SNX7: variants seen among roughly 807,000 people sequenced by gnomAD.
SNX7 encodes sorting nexin-7.
A neutral mutation model predicts 48.4 loss-of-function variants in SNX7; 35 were observed. The ratio of observed to expected loss-of-function variants is 0.72; its 90% CI spans 0.55 to 0.96. The LOEUF (loss-of-function observed/expected upper bound fraction) is 0.96. Among genes scored for constraint, SNX7 ranks in the 40% least tolerant of loss-of-function variants. SNX7 has a pLI of 0.00. For synonymous variants in SNX7, 190 were observed against 190.2 expected (o/e 1.00, Z 0.01); for missense variants, 553 against 548.9 (o/e 1.01, Z -0.07).
At chr1:98,677,992 TGTG>T (rs2100926118) in intron 1 of SNX7, among the ~76,000 whole-genome samples, 1 of 103,186 alleles carries the variant, frequency 9.7e-6, no homozygotes, top group South Asian at 2.9e-4. Flanking sequence ...TGTGTGTGCG[TGTG>T]TGTGTGTGTG....
intron 8 of SNX7, among the ~76,000 whole-genome samples, chr1:98,745,228 G>T (rs1654255623): frequency 6.6e-6 from 1 of 151,882 alleles, no homozygotes; most frequent in African/African-American, 2.4e-5. Context: ...GGTCTGTATT[G>T]AATCATTTTT....
chr1:98,718,227 A>G (rs903303563), intron 7 of SNX7, among the ~76,000 whole-genome samples: 4 of 152,186 alleles, frequency 2.6e-5, no homozygotes, highest in Non-Finnish European at 5.9e-5. Flanking sequence ...CTTTAGGTCA[A>G]GATCACACAT....
chr1:98,754,957 G>A (rs900779261), intron 8 of SNX7, among the ~76,000 whole-genome samples: 17 of 151,338 alleles, frequency 1.1e-4, no homozygotes, highest in African/African-American at 2.2e-4. Flanking sequence ...AAATCTCTCT[G>A]TTCTACTTTA....
intron 1 of SNX7, among the ~76,000 whole-genome samples, chr1:98,676,314 A>G (rs1650163995): frequency 6.6e-6 from 1 of 152,150 alleles, no homozygotes; most frequent in South Asian, 2.1e-4. Context: ...ATACCCTCCC[A>G]TAGAGATATA....
chr1:98,713,203 A>C (rs955776835), intron 7 of SNX7, among the ~76,000 whole-genome samples: 1 of 152,072 alleles, frequency 6.6e-6, no homozygotes, highest in African/African-American at 2.4e-5. Flanking sequence ...TATAACTTGT[A>C]CATCAGCATT....
At chr1:98,691,914 T>TATACACACACAC (rs143738586) in intron 4 of SNX7, among the ~76,000 whole-genome samples, 110 of 133,570 alleles carry the variant, frequency 8.2e-4, no homozygotes, top group East Asian at 7.7e-3. Flanking sequence ...TCCATATATA[T>TATACACACACAC]ACACACACAC....
chr1:98,741,680 T>C (rs562722049), intron 8 of SNX7, among the ~76,000 whole-genome samples: 1 of 152,144 alleles, frequency 6.6e-6, no homozygotes, highest in Non-Finnish European at 1.5e-5. Context: ...AGAAAATGAC[T>C]TCCTGCTAAT....
intron 8 of SNX7, among the ~76,000 whole-genome samples, chr1:98,741,780 A>G (rs1329367844): frequency 6.6e-6 from 1 of 152,148 alleles, no homozygotes; most frequent in Admixed American, 6.6e-5. Context: ...GCAAAAGAAT[A>G]TCTGCTTTGT....
At position 98,695,543 on chromosome 1, in the gene SNX7, G is replaced by C. The variant is rs144811634; in HGVS notation, c.665G>C (p.Gly222Ala). The change falls in exon 5 of 9, where the codon GGT becomes GCT. Residue 222 changes from glycine (G) to alanine (A), a missense_variant. Physicochemically the swap from Gly to Ala is moderately conservative, Grantham distance 60 (BLOSUM62 0). Transcript: ENST00000306121. ...GAACTCTCTTCTCACAAGAAGCAAG[G>C]TCCTGGCTTGCTAAGCAGGATGGGG... ...AWELSSHKKQ[G>A]PGLLSRMGQT... The C allele has an allele frequency of 2.0e-5, 33 of 1,613,982 alleles. No individual in the cohort carries two copies. In the South Asian group the frequency reaches 2.2e-4, roughly 11 times the overall value.
chr1:98,741,730 A>C (rs1570598934), intron 8 of SNX7, among the ~76,000 whole-genome samples: 1 of 152,154 alleles, frequency 6.6e-6, no homozygotes, highest in Non-Finnish European at 1.5e-5. Context: ...CATGCCCTGG[A>C]TACAGGGCAT....
intron 7 of SNX7, among the ~76,000 whole-genome samples, chr1:98,715,557 A>T (rs1202396094): frequency 6.6e-6 from 1 of 152,106 alleles, no homozygotes; most frequent in Non-Finnish European, 1.5e-5. Flanking sequence ...TTCATGTATG[A>T]ATTTGTTTTT....
chr1:98,758,578 G>T (rs1654968530), intron 8 of SNX7, among the ~76,000 whole-genome samples: 1 of 152,110 alleles, frequency 6.6e-6, no homozygotes, highest in South Asian at 2.1e-4. Flanking sequence ...ACCTTCTAAA[G>T]CTATTTAAAG....
chr1:98,662,502 C>T (rs1443345115), intron 1 of SNX7: 6 of 371,442 alleles, frequency 1.6e-5, no homozygotes, highest in Non-Finnish European at 2.9e-5. Flanking sequence ...TGGTCAGCTA[C>T]TGCCACCCAA....
At chr1:98,700,272 G>T (rs1651679783) in intron 6 of SNX7, among the ~76,000 whole-genome samples, 2 of 152,182 alleles carry the variant, frequency 1.3e-5, no homozygotes, top group South Asian at 4.2e-4. Context: ...CCATAAAAAT[G>T]ATTAATTTCA....
chr1:98,749,218 C>T (rs1654459437), intron 8 of SNX7, among the ~76,000 whole-genome samples: 1 of 151,992 alleles, frequency 6.6e-6, no homozygotes, highest in South Asian at 2.1e-4. Flanking sequence ...CCCCAATTTC[C>T]CCATGTATAA....
At chr1:98,664,386 G>A (rs560292793) in intron 1 of SNX7, among the ~76,000 whole-genome samples, 9 of 152,012 alleles carry the variant, frequency 5.9e-5, no homozygotes, top group Non-Finnish European at 1.3e-4. Context: ...AAATTAGCCG[G>A]GTGTGGTGGT....
chr1:98,731,969 G>A (rs1653535004), intron 7 of SNX7, among the ~76,000 whole-genome samples: 2 of 152,040 alleles, frequency 1.3e-5, no homozygotes, highest in Non-Finnish European at 2.9e-5. Context: ...TGAAAGCTTA[G>A]CACTTCAAAA....
At chr1:98,708,469 C>A (rs1652130066) in intron 7 of SNX7, among the ~76,000 whole-genome samples, 1 of 152,100 alleles carries the variant, frequency 6.6e-6, no homozygotes, top group Non-Finnish European at 1.5e-5. Context: ...GTTACAGATA[C>A]CTGAAAAAAC....
At chr1:98,684,103 G>T (rs971856158) in intron 1 of SNX7, among the ~76,000 whole-genome samples, 3 of 152,078 alleles carry the variant, frequency 2.0e-5, no homozygotes, top group African/African-American at 7.2e-5. Flanking sequence ...GAACCTTTCT[G>T]GCATTCTACA....
Sources: allele counts gnomAD v4.1 joint callset (sites outside exome capture counted in the v4.1 genomes callset), GRCh38; gene constraint gnomAD v4.1.1; transcripts MANE v1.5; gene names NCBI Gene and HGNC (gene_info 2026-07-23, HGNC 2026-07-21).